PLD5: variants seen among roughly 807,000 people sequenced by gnomAD.
The protein encoded by PLD5 is phospholipase D family member 5, also known as inactive phospholipase D5.
In PLD5, 36 loss-of-function variants were observed where a neutral mutation model predicts 61.1. The observed-to-expected ratio is 0.59, with a 90% CI of 0.45 to 0.78. PLD5 has a LOEUF of 0.78. Among genes scored for constraint, PLD5 ranks in the 30% least tolerant of loss-of-function variants. The pLI, the probability that PLD5 is intolerant of heterozygous loss-of-function variation, is 0.00. For synonymous variants in PLD5, 243 were observed against 242.8 expected, an observed-to-expected ratio of 1.00 and a Z score of -0.01; for missense variants, 515 against 644.4, an observed-to-expected ratio of 0.80 and a Z score of 2.17.
chr1:242,284,311 A>C (rs1674898249), intron 3 of PLD5, among the ~76,000 whole-genome samples: 1 of 151,178 alleles, frequency 6.6e-6, no homozygotes, highest in Non-Finnish European at 1.5e-5. Context: ...CTAATTTTGC[A>C]TTTTTAGTAC....
rs1208630271 is a variant in PLD5, at chr1:242,522,732, TTC to T, written c.189+1354_189+1355del. Among the ~76,000 whole-genome samples the T allele has an allele frequency of 3.9e-5, 6 of 152,236 alleles. No individual in the cohort carries two copies. In the East Asian group the frequency reaches 1.2e-3, roughly 29 times the overall value. ...ATAACACCACCAGCCCCTTCACTAATTCTGGAGAGGGCATGTTTAATGGATAC... is the reference window on the plus strand; with the variant it reads ...ATAACACCACCAGCCCCTTCACTAATTGGAGAGGGCATGTTTAATGGATAC... On this transcript the variant is annotated intron_variant, in intron 1 of 9. Transcript: ENST00000536534.
chr1:242,497,564 A>G (rs1489124986), intron 1 of PLD5, among the ~76,000 whole-genome samples: 1 of 152,192 alleles, frequency 6.6e-6, no homozygotes, highest in Non-Finnish European at 1.5e-5. Flanking sequence ...CCTGGGTTTG[A>G]ATACCAGGTC....
rs562749030 is a variant in PLD5, at chr1:242,138,575, A to G, written c.736-13910T>C. Among the ~76,000 whole-genome samples the G allele has an allele frequency of 9.8e-5, 15 of 152,364 alleles. No homozygotes were observed. The South Asian group carries it at 3.1e-3, about 32-fold the overall frequency. On this transcript the variant is annotated intron_variant, in intron 5 of 9. Transcript: ENST00000536534. ...TATAGTAATTGCAAGAGATTTTATA[A>G]AGGTCCAATGCGGAAATAAAGCACA...
chr1:242,084,888 C>T lies in PLD5; in HGVS notation c.*4966G>A, dbSNP rs1659384146. 1 of 149,068 alleles carries T rather than the reference C, an allele frequency of 6.7e-6. No homozygotes were observed. The highest frequency in any genetic ancestry group is 6.8e-5 in the Admixed American group (1 of 14,650). 9.2% of individuals were successfully genotyped at this position (149,068 alleles called of 1,614,324 possible). On this transcript the variant is annotated 3_prime_UTR_variant, in exon 10 of 10. Coordinates refer to ENST00000536534, the MANE Select transcript of PLD5 (RefSeq NM_001372062.1). ...ACCTTCTTCATAATTTACCACAGTA[C>T]AGCTTGGTTACTGATGAGAGACTGA...
rs553470731 is a variant in PLD5, at chr1:242,415,395, A to G, written c.190-67153T>C. ...TACGGAACATTCATAGAGAGGATGT[A>G]CCTACCCCTTAATCAAAATAATTCA... On this transcript the variant is annotated intron_variant, in intron 1 of 9. Coordinates refer to ENST00000536534, the MANE Select transcript of PLD5 (RefSeq NM_001372062.1). Among the ~76,000 whole-genome samples the G allele has an allele frequency of 9.2e-5, 14 of 152,286 alleles. No homozygotes were observed. The East Asian group carries it at 2.1e-3, about 23-fold the overall frequency.
chr1:242,175,627 C>G (rs316878), intron 5 of PLD5, among the ~76,000 whole-genome samples: 91,542 of 151,970 alleles, frequency 0.6, 29,167 homozygotes, highest in East Asian at 0.84. Context: ...AGAAATAAAG[C>G]GTATTCAAAT....
intron 4 of PLD5, among the ~76,000 whole-genome samples, chr1:242,245,404 T>C (rs1672295878): frequency 6.6e-6 from 1 of 152,202 alleles, no homozygotes; most frequent in Admixed American, 6.5e-5. Flanking sequence ...TCGTGCATAA[T>C]TAGATTCATT....
intron 2 of PLD5, among the ~76,000 whole-genome samples, chr1:242,321,723 G>A (rs1352037400): frequency 6.6e-6 from 1 of 152,080 alleles, no homozygotes; most frequent in African/African-American, 2.4e-5. Flanking sequence ...TGTACATCAA[G>A]ATGATATATA....
chr1:242,528,429 C>G (rs931629874), upstream of PLD5, among the ~76,000 whole-genome samples: 2 of 152,152 alleles, frequency 1.3e-5, no homozygotes, highest in Non-Finnish European at 2.9e-5. Flanking sequence ...CTGCACTCAG[C>G]TACAAATTTG....
chr1:242,418,450 A>G (rs1321933538), intron 1 of PLD5, among the ~76,000 whole-genome samples: 1 of 152,162 alleles, frequency 6.6e-6, no homozygotes, highest in Non-Finnish European at 1.5e-5. Context: ...CAGTGTGTAC[A>G]TGGTATTTAC....
chr1:242,281,281 G>A (rs1418547305), intron 3 of PLD5, among the ~76,000 whole-genome samples: 1 of 152,178 alleles, frequency 6.6e-6, no homozygotes. Flanking sequence ...GATCGCATCA[G>A]TTAGGAAGAA....
At chr1:242,347,976 C>T (rs1001178420) in intron 2 of PLD5, 130 bp downstream of exon 2, 2 of 1,117,294 alleles carry the variant, frequency 1.8e-6, no homozygotes, top group Middle Eastern at 2.8e-4. Context: ...GACAGACTCA[C>T]ACCTCAGCTT....
intron 1 of PLD5, among the ~76,000 whole-genome samples, chr1:242,502,480 A>G (rs1296288090): frequency 1.3e-5 from 2 of 152,216 alleles, no homozygotes; most frequent in East Asian, 1.9e-4. Context: ...ATTAACAGTT[A>G]CCAAGAGTGC....
intron 5 of PLD5, among the ~76,000 whole-genome samples, chr1:242,148,399 G>A (rs977613238): frequency 4.6e-5 from 7 of 151,316 alleles, no homozygotes; most frequent in African/African-American, 1.2e-4. Context: ...TAGTATAGTA[G>A]GTCAGAAAAT....
rs756175599 is a variant in PLD5, at chr1:242,348,082, G to A, written c.326+24C>T. The A allele has an allele frequency of 1.9e-5, 31 of 1,610,584 alleles. No homozygotes were observed. In the Admixed American group the frequency reaches 5.2e-4, roughly 27 times the overall value. ...GATTTCTTGCCCGCCCCCTAAAAGAGAATTTTTGTTTGTTACCTCTTACCG... is the reference window on the plus strand; with the variant it reads ...GATTTCTTGCCCGCCCCCTAAAAGAAAATTTTTGTTTGTTACCTCTTACCG... On this transcript the variant is annotated intron_variant, in intron 2 of 9. Transcript: ENST00000536534.
At chr1:242,203,293 C>T (rs901666616) in intron 5 of PLD5, among the ~76,000 whole-genome samples, 4 of 152,210 alleles carry the variant, frequency 2.6e-5, no homozygotes, top group Non-Finnish European at 5.9e-5. Flanking sequence ...TGAGGGCGCA[C>T]CTGAAACCTT....
chr1:242,383,207 T>C (rs529350379), intron 1 of PLD5, among the ~76,000 whole-genome samples: 2 of 152,340 alleles, frequency 1.3e-5, no homozygotes, highest in Non-Finnish European at 1.5e-5. Context: ...TTAAAATTTA[T>C]TTTTGCTTTT....
upstream of PLD5, among the ~76,000 whole-genome samples, chr1:242,526,008 A>G (rs1399468445): frequency 6.6e-6 from 1 of 152,226 alleles, no homozygotes; most frequent in Non-Finnish European, 1.5e-5. Flanking sequence ...TCTAAGTCTC[A>G]TGTTATCCTG....
At chr1:242,300,590 G>A (rs1185947770) in intron 2 of PLD5, among the ~76,000 whole-genome samples, 3 of 152,070 alleles carry the variant, frequency 2.0e-5, no homozygotes, top group Non-Finnish European at 2.9e-5. Context: ...CGGCAAAGGG[G>A]TTGGTGAAGA....
Sources: allele counts gnomAD v4.1 joint callset (sites outside exome capture counted in the v4.1 genomes callset), GRCh38; gene constraint gnomAD v4.1.1; transcripts MANE v1.5; gene names NCBI Gene and HGNC (gene_info 2026-07-23, HGNC 2026-07-21).